Variants in KYNU observed in about 807,000 individuals in gnomAD.
KYNU encodes the protein L-kynurenine hydrolase.
Under a neutral mutation model 59.2 loss-of-function variants are expected in KYNU, and 54 were observed. The ratio of observed to expected loss-of-function variants is 0.91; its 90% CI spans 0.73 to 1.14. The LOEUF is 1.14. KYNU is among the 50% of genes most tolerant of loss of function. The pLI is 0.00. For synonymous variants in KYNU, 177 were observed against 192.0 expected (o/e 0.92, Z 0.65); for missense variants, 567 against 554.4 (o/e 1.02, Z -0.23).
intron 10 of KYNU, among the ~76,000 whole-genome samples, chr2:143,008,562 T>G (rs1295986699): frequency 1.8e-5 from 1 of 55,360 alleles, no homozygotes; most frequent in Admixed American, 2.1e-4. Context: ...GCGGACCTAA[T>G]AGACATCTAC....
At chr2:142,913,662 T>G (rs1048870414) in intron 2 of KYNU, among the ~76,000 whole-genome samples, 6 of 152,222 alleles carry the variant, frequency 3.9e-5, no homozygotes, top group African/African-American at 1.4e-4. Flanking sequence ...GAAGAATGTA[T>G]AATCTGTGGT....
At chr2:142,959,485 C>T (rs1684268723) in intron 7 of KYNU, among the ~76,000 whole-genome samples, 1 of 151,964 alleles carries the variant, frequency 6.6e-6, no homozygotes, top group Admixed American at 6.6e-5. Flanking sequence ...ACTCAGGAGG[C>T]TGAGGCAGGA....
intron 10 of KYNU, among the ~76,000 whole-genome samples, chr2:143,022,157 G>A (rs2105218802): frequency 6.6e-6 from 1 of 152,182 alleles, no homozygotes; most frequent in East Asian, 1.9e-4. Flanking sequence ...TGCTAAATCA[G>A]AGTTTGACTT....
At chr2:142,881,909 C>CTTTTTTTTTTTTTT (rs1222437103) in intron 1 of KYNU, among the ~76,000 whole-genome samples, 34 of 124,652 alleles carry the variant, frequency 2.7e-4, no homozygotes, top group African/African-American at 1.1e-3. Flanking sequence ...CTTTTCTTTT[C>CTTTTTTTTTTTTTT]TTTTTTCTTT....
At chr2:142,961,807 C>T (rs546834701) in intron 8 of KYNU, among the ~76,000 whole-genome samples, 3 of 152,170 alleles carry the variant, frequency 2.0e-5, no homozygotes, top group East Asian at 1.9e-4. Context: ...TTAAATAGCA[C>T]TTCTATTTCA....
rs546298980 is a variant in KYNU, at chr2:142,905,427, C to T, written c.170-13182C>T. On this transcript the variant is annotated intron_variant, in intron 2 of 13. Transcript: ENST00000264170. ...CATTGTGGTTTTTTTCTCAATCACC[C>T]GAGAGGAAGCATCTATCCTTGTGTC... Among the ~76,000 whole-genome samples, 4 of 152,198 alleles carry T rather than the reference C, an allele frequency of 2.6e-5. No homozygotes were observed. The East Asian group carries it at 7.7e-4, about 29-fold the overall frequency.
chr2:143,030,224 C>T (rs1182838917), intron 11 of KYNU, among the ~76,000 whole-genome samples: 1 of 152,210 alleles, frequency 6.6e-6, no homozygotes, highest in Non-Finnish European at 1.5e-5. Context: ...TTTCACTCCT[C>T]TTTTTTCCTA....
chr2:142,914,144 T>C (rs539440612), intron 2 of KYNU, among the ~76,000 whole-genome samples: 1 of 152,352 alleles, frequency 6.6e-6, no homozygotes, highest in African/African-American at 2.4e-5. Flanking sequence ...GGAGTTCCAC[T>C]GAGGTCAAGG....
intron 2 of KYNU, among the ~76,000 whole-genome samples, chr2:142,891,081 T>C (rs931273109): frequency 2.0e-5 from 3 of 152,058 alleles, no homozygotes; most frequent in Admixed American, 2.0e-4. Context: ...CAGAAATGGG[T>C]TCCAAATATT....
chr2:143,037,202 C>T (rs1373573618), intron 12 of KYNU, among the ~76,000 whole-genome samples: 1 of 152,118 alleles, frequency 6.6e-6, no homozygotes, highest in Non-Finnish European at 1.5e-5. Flanking sequence ...GTACTCTCTC[C>T]CTCAATGGAC....
chr2:143,006,724 G>A (rs1194790120), intron 10 of KYNU, among the ~76,000 whole-genome samples: 1 of 151,640 alleles, frequency 6.6e-6, no homozygotes, highest in Non-Finnish European at 1.5e-5. Flanking sequence ...CTGGCAGACT[G>A]CCTCCTCAAG....
intron 10 of KYNU, among the ~76,000 whole-genome samples, chr2:142,990,632 C>T (rs1195122876): frequency 2.0e-5 from 3 of 151,872 alleles, no homozygotes; most frequent in African/African-American, 7.2e-5. Context: ...CTGTTCCTCA[C>T]TCTTCACGCT....
At chr2:142,917,444 A>G (rs1682701651) in intron 2 of KYNU, among the ~76,000 whole-genome samples, 1 of 149,678 alleles carries the variant, frequency 6.7e-6, no homozygotes. Context: ...TGTCCAAACC[A>G]TTGATGTGAT....
At chr2:143,037,859 T>C (rs973525471) in intron 12 of KYNU, among the ~76,000 whole-genome samples, 2 of 152,212 alleles carry the variant, frequency 1.3e-5, no homozygotes, top group African/African-American at 4.8e-5. Flanking sequence ...AAGCTCAGAA[T>C]AGACTTTTAC....
chr2:143,023,950 A>G (rs529593306), intron 10 of KYNU, among the ~76,000 whole-genome samples: 4 of 151,970 alleles, frequency 2.6e-5, no homozygotes, highest in African/African-American at 4.8e-5. Flanking sequence ...TCACATATTG[A>G]AAGATAAAGT....
At position 142,960,718 on chromosome 2, in the gene KYNU, A is replaced by C; in HGVS notation, c.677A>C (p.Tyr226Ser). 6.2e-7 allele frequency: 1 copy of C among 1,613,982 alleles called. No homozygotes were observed. ...AVILFSGVHF[Y>S]TGQHFNIPAI... ...ATCCTGTTCAGTGGGGTGCATTTTTACACTGGACAGCACTTTAATATTCCT... is the reference window on the plus strand; with the variant it reads ...ATCCTGTTCAGTGGGGTGCATTTTTCCACTGGACAGCACTTTAATATTCCT... Residue 226 changes from tyrosine (Y) to serine (S), a missense_variant, in exon 8 of 14, where the codon TAC becomes TCC. By Grantham distance (144) the Tyr-to-Ser change is moderately radical. Transcript: ENST00000264170.
chr2:143,000,107 C>G (rs1157971946), intron 10 of KYNU, among the ~76,000 whole-genome samples: 1 of 152,066 alleles, frequency 6.6e-6, no homozygotes, highest in East Asian at 1.9e-4. Flanking sequence ...AATTAGCTAC[C>G]AATGGCCCCA....
At chr2:142,906,001 GTCTC>G (rs796174046) in intron 2 of KYNU, among the ~76,000 whole-genome samples, 31 of 150,202 alleles carry the variant, frequency 2.1e-4, no homozygotes, top group African/African-American at 6.1e-4. Flanking sequence ...TCTCATCTCT[GTCTC>G]TCTCTCTCTC....
chr2:142,912,916 G>T (rs1682542302), intron 2 of KYNU, among the ~76,000 whole-genome samples: 1 of 151,284 alleles, frequency 6.6e-6, no homozygotes. Context: ...GTTTCACCAT[G>T]TTAGCCAGGA....
Sources: allele counts gnomAD v4.1 joint callset (sites outside exome capture counted in the v4.1 genomes callset), GRCh38; gene constraint gnomAD v4.1.1; transcripts MANE v1.5; gene names NCBI Gene and HGNC (gene_info 2026-07-23, HGNC 2026-07-21).